Variants in PRR16 observed in about 807,000 individuals in gnomAD.
PRR16 encodes the protein protein Largen.
Under a neutral mutation model 18.2 loss-of-function variants are expected in PRR16, and 6 were observed. The ratio of observed to expected loss-of-function variants is 0.33; its 90% CI spans 0.18 to 0.65. The LOEUF is 0.65. Ranked by LOEUF, PRR16 falls within the 30% of genes least tolerant of loss-of-function variation. The probability of loss-of-function intolerance (pLI) is 0.74; values close to 1 mark genes in which losing one functional copy is unlikely to be tolerated. For synonymous variants in PRR16, 151 were observed against 147.8 expected, an observed-to-expected ratio of 1.02 and a Z score of -0.16; for missense variants, 412 against 376.6, an observed-to-expected ratio of 1.09 and a Z score of -0.78.
At chr5:120,653,351 G>A (rs747051747) in intron 1 of PRR16, among the ~76,000 whole-genome samples, 6 of 151,668 alleles carry the variant, frequency 4.0e-5, no homozygotes, top group African/African-American at 7.3e-5. Context: ...CATTATAAAG[G>A]GTTATTAAGC....
At chr5:120,735,101 G>C in the PRR16 span, among the ~76,000 whole-genome samples, 1 of 152,118 alleles carries the variant, frequency 6.6e-6, no homozygotes, top group Admixed American at 6.5e-5. Flanking sequence ...CACATAAATG[G>C]AAGCATATGT....
intron 1 of PRR16, among the ~76,000 whole-genome samples, chr5:120,622,919 A>G (rs1754737841): frequency 6.6e-6 from 1 of 152,188 alleles, no homozygotes; most frequent in African/African-American, 2.4e-5. Flanking sequence ...ACTTTGAAAC[A>G]ATGCAGTAGG....
At chr5:120,668,912 G>A (rs1329461736) in intron 1 of PRR16, among the ~76,000 whole-genome samples, 4 of 151,912 alleles carry the variant, frequency 2.6e-5, no homozygotes, top group African/African-American at 9.7e-5. Context: ...TCAACTGATG[G>A]GAATAACGCG....
chr5:120,718,329 A>G, the PRR16 span, among the ~76,000 whole-genome samples: 1 of 152,144 alleles, frequency 6.6e-6, no homozygotes, highest in East Asian at 1.9e-4. Flanking sequence ...AAAATTAATT[A>G]TCCTTTATAC....
At chr5:120,701,315 T>C in the PRR16 span, among the ~76,000 whole-genome samples, 44 of 152,304 alleles carry the variant, frequency 2.9e-4, no homozygotes, top group South Asian at 1.9e-3. Context: ...GAGAATAAGA[T>C]GGCCTTTTGA....
intron 1 of PRR16, among the ~76,000 whole-genome samples, chr5:120,574,297 A>G (rs1753005408): frequency 1.3e-5 from 2 of 152,136 alleles, no homozygotes. Flanking sequence ...AAAGATATGA[A>G]TAGCCACTTT....
the PRR16 span, among the ~76,000 whole-genome samples, chr5:120,754,502 T>TATATAG: frequency 1.3e-5 from 1 of 75,678 alleles, no homozygotes; most frequent in Non-Finnish European, 2.3e-5. Context: ...ATGTATTTTA[T>TATATAG]TATGTATATT....
the PRR16 span, among the ~76,000 whole-genome samples, chr5:120,728,796 T>A: frequency 6.6e-6 from 1 of 152,200 alleles, no homozygotes. Context: ...AGCAGCCACA[T>A]ATTACTTTGA....
At chr5:120,775,446 C>T in the PRR16 span, among the ~76,000 whole-genome samples, 1 of 151,956 alleles carries the variant, frequency 6.6e-6, no homozygotes, top group Non-Finnish European at 1.5e-5. Context: ...TCAAATCCAC[C>T]CCCTCGTCTC....
the PRR16 span, among the ~76,000 whole-genome samples, chr5:120,775,215 T>A: frequency 1.3e-5 from 2 of 152,184 alleles, no homozygotes; most frequent in Admixed American, 6.5e-5. Flanking sequence ...ACATATTATT[T>A]GTGATACACA....
intron 1 of PRR16, among the ~76,000 whole-genome samples, chr5:120,541,414 A>G (rs1294556907): frequency 2.6e-5 from 4 of 152,116 alleles, no homozygotes; most frequent in East Asian, 1.9e-4. Flanking sequence ...TCAAAGTGCT[A>G]GGATTACAGG....
chr5:120,655,450 A>T (rs1755936737), intron 1 of PRR16, among the ~76,000 whole-genome samples: 1 of 151,112 alleles, frequency 6.6e-6, no homozygotes, highest in Non-Finnish European at 1.5e-5. Context: ...ATAAAAAGAG[A>T]TGGACCTATT....
At chr5:120,740,079 A>G in the PRR16 span, among the ~76,000 whole-genome samples, 6 of 152,312 alleles carry the variant, frequency 3.9e-5, no homozygotes, top group African/African-American at 1.4e-4. Context: ...TGAATGACAC[A>G]CTAATGGGAC....
At chr5:120,706,066 C>A in the PRR16 span, among the ~76,000 whole-genome samples, 1 of 152,082 alleles carries the variant, frequency 6.6e-6, no homozygotes, top group African/African-American at 2.4e-5. Context: ...ACAAAAATGG[C>A]TTCCAATGGC....
chr5:120,772,953 A>G, the PRR16 span, among the ~76,000 whole-genome samples: 1 of 152,246 alleles, frequency 6.6e-6, no homozygotes, highest in South Asian at 2.1e-4. Context: ...TTTGATTCAC[A>G]TCATCTTTGT....
In PRR16 at chr5:120,464,335, G is replaced by A. The variant is rs1335275545; in HGVS notation, c.-152G>A. ...AGCACCACTGTGCGGCCGCCCGGCC[G>A]AGCGCGGAGCGCAGCCACTCGCCGC... On this transcript the variant is annotated 5_prime_UTR_variant, in exon 1 of 2. Coordinates refer to ENST00000407149, the MANE Select transcript of PRR16 (RefSeq NM_001300783.2). 1.6e-5 allele frequency: 13 copies of A among 800,728 alleles called. No individual in the cohort carries two copies. The highest frequency in any genetic ancestry group is 8.1e-4 in the Middle Eastern group (2 of 2,468). 49.6% of individuals were successfully genotyped at this position (800,728 alleles called of 1,614,324 possible).
chr5:120,493,376 GT>G (rs1350515522), intron 1 of PRR16, among the ~76,000 whole-genome samples: 1 of 152,048 alleles, frequency 6.6e-6, no homozygotes, highest in Non-Finnish European at 1.5e-5. Context: ...ATGTGATTGT[GT>G]TATAGACTAC....
intron 1 of PRR16, among the ~76,000 whole-genome samples, chr5:120,666,363 G>T (rs1283524753): frequency 6.6e-6 from 1 of 152,110 alleles, no homozygotes; most frequent in African/African-American, 2.4e-5. Flanking sequence ...TTTGGGCTGA[G>T]ACAATGGGGT....
chr5:120,470,076 A>G (rs1473092077), intron 1 of PRR16, among the ~76,000 whole-genome samples: 1 of 152,184 alleles, frequency 6.6e-6, no homozygotes, highest in African/African-American at 2.4e-5. Flanking sequence ...AGGAAAAAAG[A>G]TAGAAATGCA....
Sources: gnomAD v4.1 joint callset for allele counts (sites outside exome capture counted in the v4.1 genomes callset) on GRCh38, gnomAD v4.1.1 for gene constraint, MANE v1.5 for transcripts, NCBI Gene and HGNC (gene_info 2026-07-23, HGNC 2026-07-21) for gene names.